Variants in GRM7 observed in about 807,000 individuals in gnomAD.
GRM7 encodes glutamate metabotropic receptor 7, also known as metabotropic glutamate receptor 7.
GRM7 carries 35 observed loss-of-function variants against 84.5 expected under a neutral mutation model. That is an observed-to-expected ratio of 0.41 (90% confidence interval 0.32 to 0.55). GRM7 has a LOEUF of 0.55. Ranked by LOEUF, GRM7 falls within the 20% of genes least tolerant of loss-of-function variation. The probability of loss-of-function intolerance (pLI) is 0.19; values close to 1 mark genes in which losing one functional copy is unlikely to be tolerated. For synonymous variants in GRM7, 487 were observed against 455.1 expected, an observed-to-expected ratio of 1.07 and a Z score of -0.89; for missense variants, 1,003 against 1,194.6, an observed-to-expected ratio of 0.84 and a Z score of 2.36.
chr3:7,390,113 A>T (rs1694933460), intron 4 of GRM7, among the ~76,000 whole-genome samples: 1 of 152,118 alleles, frequency 6.6e-6, no homozygotes, highest in Non-Finnish European at 1.5e-5. Context: ...TCATTTATGA[A>T]GCTTAATTTG....
chr3:7,518,568 T>C (rs1346905084), intron 7 of GRM7, among the ~76,000 whole-genome samples: 1 of 152,220 alleles, frequency 6.6e-6, no homozygotes, highest in African/African-American at 2.4e-5. Context: ...ATTAAAATGC[T>C]TTTTTAAAAA....
chr3:7,306,801 A>G (rs1700209475), intron 4 of GRM7, 149 bp downstream of exon 4: 1 of 582,824 alleles, frequency 1.7e-6, no homozygotes, highest in South Asian at 2.7e-5. Context: ...AAATGAGGCC[A>G]CACACCTGGT....
rs569361789 is a variant in GRM7 at position 6,927,183 on chromosome 3, T to A, written c.519+65276T>A. Among the ~76,000 whole-genome samples the A allele has an allele frequency of 6.6e-5, 10 of 152,256 alleles. No homozygotes were observed. The South Asian group carries it at 2.1e-3, about 32-fold the overall frequency. ...TGGCTCATTCCTGTAATCCCAGCACTTTGGGAGGCTGAGGTAGACGGATCA... is the reference window on the plus strand; with the variant it reads ...TGGCTCATTCCTGTAATCCCAGCACATTGGGAGGCTGAGGTAGACGGATCA... On this transcript the variant is annotated intron_variant, in intron 1 of 9. Coordinates refer to ENST00000357716, the MANE Select transcript of GRM7 (RefSeq NM_000844.4).
rs138232581 is a variant in GRM7 at position 7,395,459 on chromosome 3, A to G, written c.1034-19564A>G. On this transcript the variant is annotated intron_variant, in intron 4 of 9. Transcript: ENST00000357716. ...CATCTCACCATTTCTACTAGAGAGG[A>G]GGAATAATTTCTATTGTTATATAAT... 3.1e-3 allele frequency among the ~76,000 whole-genome samples: 465 copies of G among 152,230 alleles called. 2 individuals are homozygous for G. Among genetic ancestry groups the G allele is most frequent in the African/African-American group, 0.01 (426 of 41,532 alleles).
At chr3:7,095,625 A>G (rs1028375488) in intron 1 of GRM7, among the ~76,000 whole-genome samples, 2 of 152,152 alleles carry the variant, frequency 1.3e-5, no homozygotes, top group Admixed American at 6.5e-5. Context: ...TTCATATTCT[A>G]TAACTATTGT....
chr3:7,690,012 T>C (rs1206108617), intron 9 of GRM7, among the ~76,000 whole-genome samples: 1 of 152,096 alleles, frequency 6.6e-6, no homozygotes, highest in Non-Finnish European at 1.5e-5. Flanking sequence ...CCCGGGATGT[T>C]TTGCTTGAGT....
chr3:7,229,404 G>C (rs1211072784), intron 2 of GRM7, among the ~76,000 whole-genome samples: 1 of 151,876 alleles, frequency 6.6e-6, no homozygotes, highest in Non-Finnish European at 1.5e-5. Flanking sequence ...AGATGAGGCA[G>C]ATAGAGTTAA....
intron 4 of GRM7, among the ~76,000 whole-genome samples, chr3:7,333,423 C>A (rs888584262): frequency 6.6e-6 from 1 of 152,196 alleles, no homozygotes; most frequent in African/African-American, 2.4e-5. Context: ...AAGCCCCATT[C>A]CTAGGGGAAG....
intron 7 of GRM7, among the ~76,000 whole-genome samples, chr3:7,481,802 G>A (rs1699139865): frequency 6.6e-6 from 1 of 152,170 alleles, no homozygotes; most frequent in Non-Finnish European, 1.5e-5. Context: ...CTGGGCATCT[G>A]TCCTCAACGA....
intron 1 of GRM7, among the ~76,000 whole-genome samples, chr3:7,094,492 A>G (rs1378859626): frequency 6.6e-6 from 1 of 152,216 alleles, no homozygotes; most frequent in Non-Finnish European, 1.5e-5. Flanking sequence ...TCAAAACCAG[A>G]AAAGTAAGTA....
intron 7 of GRM7, among the ~76,000 whole-genome samples, chr3:7,467,352 G>A (rs916980557): frequency 3.9e-5 from 6 of 152,196 alleles, no homozygotes; most frequent in Admixed American, 3.3e-4. Flanking sequence ...CTCCCAAAGT[G>A]CTGGGATTAC....
chr3:7,641,132 A>G (rs1698349223), intron 8 of GRM7, among the ~76,000 whole-genome samples: 1 of 152,162 alleles, frequency 6.6e-6, no homozygotes, highest in African/African-American at 2.4e-5. Context: ...ATTGTTTGCA[A>G]ATGAAGCAGT....
intron 1 of GRM7, among the ~76,000 whole-genome samples, chr3:6,879,355 A>C (rs339806): frequency 0.45 from 68,093 of 152,020 alleles, 15,545 homozygotes; most frequent in South Asian, 0.49. Context: ...AACATAGTGG[A>C]GTGATTAGAT....
chr3:7,734,146 T>C (rs1399416764), intron 9 of GRM7, among the ~76,000 whole-genome samples: 1 of 151,650 alleles, frequency 6.6e-6, no homozygotes, highest in African/African-American at 2.4e-5. Flanking sequence ...AGTGGATCAC[T>C]ATTTTCTCCA....
intron 8 of GRM7, among the ~76,000 whole-genome samples, chr3:7,602,675 G>T (rs1696374711): frequency 1.3e-5 from 2 of 152,130 alleles, no homozygotes; most frequent in Non-Finnish European, 2.9e-5. Context: ...GTGATTGTAG[G>T]TAATTTGCCT....
intron 7 of GRM7, among the ~76,000 whole-genome samples, chr3:7,573,821 A>C (rs998258812): frequency 5.3e-5 from 8 of 152,180 alleles, no homozygotes; most frequent in African/African-American, 1.9e-4. Context: ...TTCTTTCTAG[A>C]GTTGCCTACT....
intron 1 of GRM7, among the ~76,000 whole-genome samples, chr3:6,904,724 T>TG (rs1429016977): frequency 1.4e-5 from 2 of 141,834 alleles, no homozygotes; most frequent in African/African-American, 3.0e-5. Flanking sequence ...CTTATGTGTG[T>TG]TTTTTTTTTC....
intron 1 of GRM7, among the ~76,000 whole-genome samples, chr3:7,008,833 G>A (rs1158853367): frequency 1.3e-5 from 2 of 152,222 alleles, no homozygotes; most frequent in Admixed American, 6.5e-5. Flanking sequence ...CTTAGAGCCA[G>A]TGAATGAGAC....
At chr3:7,637,964 C>T (rs1698178717) in intron 8 of GRM7, among the ~76,000 whole-genome samples, 1 of 152,178 alleles carries the variant, frequency 6.6e-6, no homozygotes, top group South Asian at 2.1e-4. Flanking sequence ...ACAGGAACGG[C>T]AGTGTCCAGG....
Sources: allele counts gnomAD v4.1 joint callset (sites outside exome capture counted in the v4.1 genomes callset), GRCh38; gene constraint gnomAD v4.1.1; transcripts MANE v1.5; gene names NCBI Gene and HGNC (gene_info 2026-07-23, HGNC 2026-07-21).